Variants in L3MBTL4 observed in about 807,000 individuals in gnomAD.
L3MBTL4 encodes lethal(3)malignant brain tumor-like protein 4.
In L3MBTL4, 70 loss-of-function variants were observed where a neutral mutation model predicts 84.5. That is an observed-to-expected ratio of 0.83 (90% CI 0.68 to 1.01). The LOEUF is 1.01. Ranked by LOEUF, L3MBTL4 falls within the 50% of genes least tolerant of loss-of-function variation. The pLI, the probability that L3MBTL4 is intolerant of heterozygous loss-of-function variation, is 0.00. For synonymous variants in L3MBTL4, 274 were observed against 259.8 expected, an observed-to-expected ratio of 1.05 and a Z score of -0.52; for missense variants, 715 against 754.8, an observed-to-expected ratio of 0.95 and a Z score of 0.62.
rs2057661402 is a variant in L3MBTL4, at chr18:6,071,820, GAAA to G, written c.1444+9058_1444+9060del. On this transcript the variant is annotated intron_variant, in intron 16 of 18. Transcript: ENST00000317931. ...AAGAAAGAAAAAGAAAGAAAGGAAA[GAAA>G]GAAAGAAAGAAAGAGAAAGAGAGAG... is the stretch of plus-strand genomic sequence containing the variant. 2.4e-5 allele frequency among the ~76,000 whole-genome samples: 3 copies of G among 124,430 alleles called. No individual in the cohort carries two copies. The East Asian group carries it at 6.1e-4, about 25-fold the overall frequency. 81.6% of individuals were successfully genotyped at this position (124,430 alleles called of 152,430 possible). A position where few individuals can be genotyped will look rare whatever the true frequency, so the allele number is the denominator to read the frequency against.
At chr18:5,995,431 A>T (rs1374174240) in intron 16 of L3MBTL4, among the ~76,000 whole-genome samples, 1 of 152,134 alleles carries the variant, frequency 6.6e-6, no homozygotes, top group Admixed American at 6.5e-5. Context: ...AGAGTTATTT[A>T]CAAGGTAGTC....
At chr18:6,332,249 C>T (rs559351641) in intron 1 of L3MBTL4, among the ~76,000 whole-genome samples, 12 of 152,340 alleles carry the variant, frequency 7.9e-5, no homozygotes, top group African/African-American at 2.9e-4. Flanking sequence ...CTAATTAAGA[C>T]TCACTACTGA....
At chr18:6,050,243 G>A (rs2145797344) in intron 16 of L3MBTL4, among the ~76,000 whole-genome samples, 1 of 152,290 alleles carries the variant, frequency 6.6e-6, no homozygotes, top group East Asian at 1.9e-4. Context: ...TCTGGATAAA[G>A]AACTTGCGTA....
At chr18:6,133,956 C>T (rs1248743600) in intron 14 of L3MBTL4, among the ~76,000 whole-genome samples, 1 of 152,138 alleles carries the variant, frequency 6.6e-6, no homozygotes, top group African/African-American at 2.4e-5. Context: ...CTTCAGTAAA[C>T]ACATTGTGCA....
intron 16 of L3MBTL4, among the ~76,000 whole-genome samples, chr18:5,991,221 T>C (rs2053683424): frequency 6.6e-6 from 1 of 152,212 alleles, no homozygotes; most frequent in South Asian, 2.1e-4. Context: ...TTTCATTCTC[T>C]CCTGTAGCAC....
chr18:6,285,382 C>T (rs1162936583), intron 4 of L3MBTL4, among the ~76,000 whole-genome samples: 1 of 152,118 alleles, frequency 6.6e-6, no homozygotes, highest in East Asian at 1.9e-4. Flanking sequence ...TAGAATGAAT[C>T]CTGTGGGATG....
At chr18:6,022,750 A>G (rs1465433608) in intron 16 of L3MBTL4, among the ~76,000 whole-genome samples, 1 of 152,244 alleles carries the variant, frequency 6.6e-6, no homozygotes, top group African/African-American at 2.4e-5. Context: ...GGCCATAAGT[A>G]AGGCAGGAGT....
chr18:6,282,304 T>A (rs2049356348), intron 4 of L3MBTL4, among the ~76,000 whole-genome samples: 1 of 152,180 alleles, frequency 6.6e-6, no homozygotes, highest in Non-Finnish European at 1.5e-5. Flanking sequence ...AAGTAAGTGC[T>A]TTTACAGAAT....
At chr18:6,109,781 C>T (rs985660328) in intron 14 of L3MBTL4, among the ~76,000 whole-genome samples, 1 of 152,154 alleles carries the variant, frequency 6.6e-6, no homozygotes, top group Admixed American at 6.5e-5. Flanking sequence ...GGTCCCCGAT[C>T]CTCTCTTTAT....
intron 4 of L3MBTL4, 103 bp from the exon 5 acceptor site, chr18:6,264,141 TG>T: frequency 1.2e-6 from 1 of 842,036 alleles, no homozygotes; most frequent in Non-Finnish European, 1.9e-6. Context: ...TTAGTTAAAT[TG>T]GTAGTTGAAA....
intron 16 of L3MBTL4, chr18:6,031,541 A>C: frequency 2.1e-6 from 2 of 975,198 alleles, no homozygotes; most frequent in South Asian, 4.8e-5. Context: ...ATTTAGGCTC[A>C]GGTGGGCCGG....
intron 14 of L3MBTL4, among the ~76,000 whole-genome samples, chr18:6,096,040 G>A (rs1288831792): frequency 6.6e-6 from 1 of 152,024 alleles, no homozygotes; most frequent in Non-Finnish European, 1.5e-5. Flanking sequence ...CTCCCAATTT[G>A]AGTTTTTTAA....
At chr18:6,016,505 G>T (rs1055360433) in intron 16 of L3MBTL4, among the ~76,000 whole-genome samples, 1 of 152,164 alleles carries the variant, frequency 6.6e-6, no homozygotes, top group Non-Finnish European at 1.5e-5. Flanking sequence ...GAATGAAACT[G>T]CAAAGACACC....
chr18:6,199,417 A>C (rs933169053), intron 12 of L3MBTL4, among the ~76,000 whole-genome samples: 1 of 152,240 alleles, frequency 6.6e-6, no homozygotes, highest in East Asian at 1.9e-4. Context: ...AGCCACATGC[A>C]GCGAGTGGCC....
At chr18:6,018,986 T>C (rs2055127970) in intron 16 of L3MBTL4, among the ~76,000 whole-genome samples, 1 of 152,222 alleles carries the variant, frequency 6.6e-6, no homozygotes, top group Non-Finnish European at 1.5e-5. Flanking sequence ...TATTATCTCT[T>C]AGGATTAATC....
chr18:6,353,167 T>C (rs1028105820), intron 1 of L3MBTL4, among the ~76,000 whole-genome samples: 5 of 152,124 alleles, frequency 3.3e-5, no homozygotes, highest in Non-Finnish European at 7.4e-5. Flanking sequence ...GAAAATATAA[T>C]GGCTTTCTGC....
intron 14 of L3MBTL4, among the ~76,000 whole-genome samples, chr18:6,121,019 C>T (rs1043381588): frequency 6.6e-6 from 1 of 152,080 alleles, no homozygotes; most frequent in African/African-American, 2.4e-5. Context: ...TTATTTTTGG[C>T]ATCTACTAGA....
At chr18:6,382,765 G>T (rs367885129) in intron 1 of L3MBTL4, among the ~76,000 whole-genome samples, 8 of 152,334 alleles carry the variant, frequency 5.3e-5, no homozygotes, top group African/African-American at 1.9e-4. Flanking sequence ...ACTCGGAGAT[G>T]TCTCCCAGTC....
intron 5 of L3MBTL4, among the ~76,000 whole-genome samples, chr18:6,258,226 T>C (rs2048240425): frequency 6.6e-6 from 1 of 152,168 alleles, no homozygotes; most frequent in African/African-American, 2.4e-5. Context: ...ATAGACCTGC[T>C]TTCCTAGGGA....
Sources: allele counts gnomAD v4.1 joint callset (sites outside exome capture counted in the v4.1 genomes callset), GRCh38; gene constraint gnomAD v4.1.1; transcripts MANE v1.5; gene names NCBI Gene and HGNC (gene_info 2026-07-23, HGNC 2026-07-21).